Variants in SAMMSON observed in about 807,000 individuals in gnomAD.
The protein encoded by SAMMSON is survival associated mitochondrial melanoma specific oncogenic non-coding RNA.
chr3:70,141,779 T>C (rs965557073), intron 4 of SAMMSON, among the ~76,000 whole-genome samples: 1 of 152,182 alleles, frequency 6.6e-6, no homozygotes, highest in South Asian at 2.1e-4. Context: ...AACTCAGAGA[T>C]GTTAAGTGAC....
rs144716095 is a variant in SAMMSON, at chr3:70,088,431, G to A, written n.507+16866G>A. On this transcript the variant is annotated intron_variant and non_coding_transcript_variant, in intron 4 of 9. Coordinates refer to ENST00000642114, the Ensembl canonical transcript of SAMMSON. ...GAAGAGGAGGAAGGCAGAAATAACA[G>A]ATGTTCACCATGGTGCATCCAACGT... Among the ~76,000 whole-genome samples, 1,443 of 152,296 alleles carry A rather than the reference G, an allele frequency of 9.5e-3. 11 individuals are homozygous for A. Among genetic ancestry groups the A allele is most frequent in the Non-Finnish European group, 0.015 (1,011 of 68,018 alleles).
At chr3:70,207,790 C>T (rs1162324328) in intron 4 of SAMMSON, among the ~76,000 whole-genome samples, 1 of 151,732 alleles carries the variant, frequency 6.6e-6, no homozygotes, top group Non-Finnish European at 1.5e-5. Context: ...ATGCAAATAC[C>T]ACATCATTTT....
At chr3:70,008,321 T>C (rs971847166) in intron 1 of SAMMSON, among the ~76,000 whole-genome samples, 7 of 152,204 alleles carry the variant, frequency 4.6e-5, no homozygotes, top group African/African-American at 7.2e-5. Flanking sequence ...TTTTCTTTCA[T>C]TGAGCGGTGG....
intron 6 of SAMMSON, among the ~76,000 whole-genome samples, chr3:70,264,276 C>T (rs1701894326): frequency 6.6e-6 from 1 of 152,216 alleles, no homozygotes; most frequent in Non-Finnish European, 1.5e-5. Flanking sequence ...TCTGCTGTCT[C>T]TCTAGTTAAG....
At chr3:70,159,691 TG>T (rs2106692251) in intron 4 of SAMMSON, 1 of 152,132 alleles carries the variant, frequency 6.6e-6, no homozygotes, top group African/African-American at 2.4e-5. Context: ...CCCAAGTAGC[TG>T]GGACTACAAG....
At chr3:70,132,270 A>G (rs55746410) in intron 4 of SAMMSON, among the ~76,000 whole-genome samples, 11,054 of 152,130 alleles carry the variant, frequency 0.073, 542 homozygotes, top group Non-Finnish European at 0.11. Context: ...TGACCATGGG[A>G]TGGTTCTGGA....
intron 3 of SAMMSON, among the ~76,000 whole-genome samples, chr3:70,018,949 G>A (rs1326611385): frequency 1.3e-5 from 2 of 152,244 alleles, no homozygotes; most frequent in African/African-American, 4.8e-5. Context: ...CTGAGAGACA[G>A]TTTGTTATAA....
chr3:70,352,653 G>A (rs1032546554), intron 7 of SAMMSON, among the ~76,000 whole-genome samples: 1 of 151,992 alleles, frequency 6.6e-6, no homozygotes, highest in African/African-American at 2.4e-5. Flanking sequence ...ATCCTTGAGA[G>A]TTGAGCAAAA....
intron 4 of SAMMSON, among the ~76,000 whole-genome samples, chr3:70,226,103 G>A (rs974812128): frequency 1.3e-5 from 2 of 152,124 alleles, no homozygotes; most frequent in Non-Finnish European, 2.9e-5. Flanking sequence ...ACATCCCTCA[G>A]AAAACACATA....
intron 6 of SAMMSON, among the ~76,000 whole-genome samples, chr3:70,286,047 A>C (rs1702159663): frequency 6.6e-6 from 1 of 151,984 alleles, no homozygotes; most frequent in African/African-American, 2.4e-5. Context: ...TGCTGTGCAG[A>C]AGCTCTTTAG....
At chr3:70,020,713 TTAATAA>T (rs890820767) in intron 3 of SAMMSON, among the ~76,000 whole-genome samples, 1 of 151,976 alleles carries the variant, frequency 6.6e-6, no homozygotes, top group Non-Finnish European at 1.5e-5. Flanking sequence ...ACAATAATAA[TTAATAA>T]TAATAATGAT....
intron 6 of SAMMSON, among the ~76,000 whole-genome samples, chr3:70,268,826 CTTACTAAATA>C (rs939469284): frequency 2.0e-5 from 3 of 152,046 alleles, no homozygotes; most frequent in African/African-American, 7.2e-5. Flanking sequence ...ACAAACTATT[CTTACTAAATA>C]TTTTGTATCA....
intron 4 of SAMMSON, among the ~76,000 whole-genome samples, chr3:70,127,507 C>A (rs2067464573): frequency 6.6e-6 from 1 of 152,166 alleles, no homozygotes; most frequent in African/African-American, 2.4e-5. Flanking sequence ...ATCCTACTAC[C>A]AATGAGATAT....
chr3:70,387,400 T>A (rs1244495334), intron 9 of SAMMSON, among the ~76,000 whole-genome samples: 1 of 152,100 alleles, frequency 6.6e-6, no homozygotes, highest in Non-Finnish European at 1.5e-5. Flanking sequence ...CCTGCAATGA[T>A]GGTGTTTGTA....
rs144929265 is a variant in SAMMSON, at chr3:70,299,819, C to T, written n.739+8576C>T. 4.3e-4 allele frequency among the ~76,000 whole-genome samples: 65 copies of T among 152,190 alleles called. No homozygotes were observed. The South Asian group carries it at 4.8e-3, about 11-fold the overall frequency. On this transcript the variant is annotated intron_variant and non_coding_transcript_variant, in intron 7 of 9. Transcript: ENST00000642114. The stretch of plus-strand genomic sequence containing the variant: ...CTCTACCTTCCTGAAGCCAACCTCA[C>T]ATATATTTTATGGCTTCCCTTTGTT...
chr3:70,253,716 C>T (rs1701790086), intron 6 of SAMMSON, among the ~76,000 whole-genome samples: 3 of 151,882 alleles, frequency 2.0e-5, no homozygotes, highest in African/African-American at 4.8e-5. Flanking sequence ...GTGCAAAACC[C>T]CAACTCTAAA....
chr3:70,157,347 T>C (rs964078866), intron 4 of SAMMSON, among the ~76,000 whole-genome samples: 5 of 152,086 alleles, frequency 3.3e-5, no homozygotes, highest in African/African-American at 1.2e-4. Context: ...CATGATTCCA[T>C]ACCTTAGAGC....
chr3:70,039,116 G>C (rs2067096854), intron 3 of SAMMSON, among the ~76,000 whole-genome samples: 1 of 152,116 alleles, frequency 6.6e-6, no homozygotes, highest in African/African-American at 2.4e-5. Flanking sequence ...GCCTCAGTCT[G>C]ATCACTAAAA....
Position 70,395,446 on chromosome 3 carries a change from C to G in SAMMSON, n.233+37122C>G, listed in dbSNP as rs533494752. Among the ~76,000 whole-genome samples the G allele has an allele frequency of 1.6e-3, 243 of 151,690 alleles. 1 individual carries two copies. The highest frequency in any genetic ancestry group is 2.7e-3 in the Non-Finnish European group (184 of 67,946). ...GTGTGGCAAGAAACTGGCATTAGCC[C>G]AGTTTATGCTTTGGATTCTGTGCAG... On this transcript the variant is annotated intron_variant and non_coding_transcript_variant, in intron 2 of 3. Transcript: ENST00000641053.
Sources: allele counts gnomAD v4.1 joint callset (sites outside exome capture counted in the v4.1 genomes callset), GRCh38; gene constraint gnomAD v4.1.1; transcripts MANE v1.5; gene names NCBI Gene and HGNC (gene_info 2026-07-23, HGNC 2026-07-21).